The following ERI3 variants were observed in gnomAD, a reference collection of about 807,000 sequenced individuals.
ERI3 encodes the protein ERI1 exoribonuclease 3.
A neutral mutation model predicts 44.4 loss-of-function variants in ERI3; 18 were observed. The ratio of observed to expected loss-of-function variants is 0.41; its 90% CI spans 0.28 to 0.60. ERI3 has a LOEUF of 0.60. Ranked by LOEUF, ERI3 falls within the 20% of genes least tolerant of loss-of-function variation. ERI3 has a pLI of 0.36. For synonymous variants in ERI3, 183 were observed against 164.8 expected, an observed-to-expected ratio of 1.11 and a Z score of -0.84; for missense variants, 294 against 435.5, an observed-to-expected ratio of 0.68 and a Z score of 2.89.
intron 5 of ERI3, among the ~76,000 whole-genome samples, chr1:44,310,545 T>G (rs1434200848): frequency 6.6e-6 from 1 of 152,162 alleles, no homozygotes. Flanking sequence ...GGACAAAGGC[T>G]GGAGGACTAG....
At chr1:44,349,440 T>C (rs1646848437) in intron 2 of ERI3, among the ~76,000 whole-genome samples, 1 of 152,160 alleles carries the variant, frequency 6.6e-6, no homozygotes, top group Admixed American at 6.5e-5. Context: ...GGATTACAGG[T>C]GTGAGCCACC....
At chr1:44,355,267 C>G (rs1646979973), upstream of ERI3, 1 of 1,150,102 alleles carries the variant, frequency 8.7e-7, no homozygotes, top group African/African-American at 1.6e-5. Context: ...CACCTCCGCG[C>G]ACTCTGACCC....
At position 44,311,016 on chromosome 1, in the gene ERI3, C is replaced by CGT. The variant is rs1442171441; in HGVS notation, c.666+2151_666+2152dup. 2.3e-3 allele frequency among the ~76,000 whole-genome samples: 329 copies of CGT among 144,390 alleles called. 1 individual carries two copies. The highest frequency in any genetic ancestry group is 8.0e-3 in the African/African-American group (314 of 39,034). 94.7% of individuals were successfully genotyped at this position (144,390 alleles called of 152,430 possible). On this transcript the variant is annotated intron_variant, in intron 5 of 8. Transcript: ENST00000372257. ...ACACACACACACACACACACACACA[C>CGT]GTGCAGGAATCCATGAATCCTTTCC...
At chr1:44,284,426 A>G (rs1488391735) in intron 7 of ERI3, among the ~76,000 whole-genome samples, 2 of 152,190 alleles carry the variant, frequency 1.3e-5, no homozygotes, top group Non-Finnish European at 2.9e-5. Context: ...TATCAGGGCC[A>G]GTTAGGAGGG....
intron 3 of ERI3, among the ~76,000 whole-genome samples, chr1:44,325,747 C>T (rs1030865584): frequency 5.3e-5 from 8 of 151,980 alleles, no homozygotes; most frequent in African/African-American, 1.7e-4. Flanking sequence ...CTGCAACCTC[C>T]GCCTCCCAGG....
rs538418782 is a variant in ERI3 at position 44,337,445 on chromosome 1, C to T, written c.489+1600G>A. 2.0e-5 allele frequency among the ~76,000 whole-genome samples: 3 copies of T among 152,350 alleles called. No homozygotes were observed. The East Asian group carries it at 5.8e-4, about 29-fold the overall frequency. On this transcript the variant is annotated intron_variant, in intron 3 of 8. Transcript: ENST00000372257. Reference sequence around the variant, plus strand: ...CCAGCATAAGCACCAGCTGCCCTCACCACACCAGAGAAAATCCAGTAGTTT... The same window carrying T: ...CCAGCATAAGCACCAGCTGCCCTCATCACACCAGAGAAAATCCAGTAGTTT...
At chr1:44,306,025 G>T (rs902921460) in intron 6 of ERI3, among the ~76,000 whole-genome samples, 1 of 152,170 alleles carries the variant, frequency 6.6e-6, no homozygotes. Flanking sequence ...CAGGAACACC[G>T]ATTAGCTGTG....
At chr1:44,324,514 C>T (rs1304563269) in intron 3 of ERI3, among the ~76,000 whole-genome samples, 4 of 137,868 alleles carry the variant, frequency 2.9e-5, no homozygotes, top group African/African-American at 5.3e-5. Flanking sequence ...CGGAGTCTCG[C>T]TCTGTCGCCC....
At chr1:44,255,400 G>T (rs1404220588) in intron 7 of ERI3, among the ~76,000 whole-genome samples, 1 of 152,080 alleles carries the variant, frequency 6.6e-6, no homozygotes, top group Non-Finnish European at 1.5e-5. Context: ...CTAGCTCTCT[G>T]CCATTTTCCC....
chr1:44,284,392 C>T (rs1404219116), intron 7 of ERI3, among the ~76,000 whole-genome samples: 1 of 152,214 alleles, frequency 6.6e-6, no homozygotes, highest in Non-Finnish European at 1.5e-5. Flanking sequence ...CTTAAGTGTA[C>T]TCTGCCTCCC....
intron 3 of ERI3, among the ~76,000 whole-genome samples, chr1:44,323,690 T>C (rs1046499703): frequency 1.1e-4 from 17 of 152,346 alleles, no homozygotes; most frequent in African/African-American, 3.8e-4. Context: ...ACTGTGCTAA[T>C]AGGAATGATC....
intron 8 of ERI3, among the ~76,000 whole-genome samples, chr1:44,222,050 G>A (rs910127470): frequency 4.6e-5 from 7 of 152,070 alleles, no homozygotes; most frequent in African/African-American, 9.7e-5. Context: ...CCCGCCACCC[G>A]CCTTGATGTC....
chr1:44,284,956 G>C, intron 6 of ERI3, 49 bp from the exon 7 acceptor site: 2 of 1,499,836 alleles, frequency 1.3e-6, no homozygotes, highest in Non-Finnish European at 1.9e-6. Flanking sequence ...CCATGTCCCA[G>C]GTATGAAGTC....
intron 6 of ERI3, among the ~76,000 whole-genome samples, chr1:44,290,204 T>C (rs572839655): frequency 6.6e-6 from 1 of 152,264 alleles, no homozygotes; most frequent in African/African-American, 2.4e-5. Context: ...GACAGGCACA[T>C]ACTGTTCGCC....
intron 2 of ERI3, among the ~76,000 whole-genome samples, chr1:44,349,447 C>T (rs1646848628): frequency 6.6e-6 from 1 of 152,148 alleles, no homozygotes; most frequent in Non-Finnish European, 1.5e-5. Context: ...AGGTGTGAGC[C>T]ACCACGCCTG....
rs1473505568 is a variant in ERI3 at position 44,283,943 on chromosome 1, C to T, written c.831+892G>A. On this transcript the variant is annotated intron_variant, in intron 7 of 8. Transcript: ENST00000372257. ...AATCCTCGCCATACCTAGCCTCACC[C>T]CCCTTGACCTCTCTCTTCTCTAAGC... The T allele has an allele frequency of 1.9e-5, 9 of 465,652 alleles. No homozygotes were observed. The Middle Eastern group carries it at 2.5e-3, about 128-fold the overall frequency. 28.8% of individuals were successfully genotyped at this position (465,652 alleles called of 1,614,324 possible).
Position 44,337,523 on chromosome 1 carries a change from G to T in ERI3, c.489+1522C>A, listed in dbSNP as rs182941639. Among the ~76,000 whole-genome samples, 5 of 152,318 alleles carry T rather than the reference G, an allele frequency of 3.3e-5. No homozygotes were observed. In the East Asian group the frequency reaches 9.6e-4, roughly 29 times the overall value. On this transcript the variant is annotated intron_variant, in intron 3 of 8. Coordinates refer to ENST00000372257, the MANE Select transcript of ERI3 (RefSeq NM_024066.3). ...TAGGCAGGAGCCAGAGGCAGAGAACGTAAGTGTGGCTTGAGTAGCTCCCAA... is the reference window on the plus strand; with the variant it reads ...TAGGCAGGAGCCAGAGGCAGAGAACTTAAGTGTGGCTTGAGTAGCTCCCAA...
At chr1:44,244,065 AAGTGCTTCCAAATAATATG>A (rs1644500596) in intron 8 of ERI3, 1 of 152,210 alleles carries the variant, frequency 6.6e-6, no homozygotes, top group African/African-American at 2.4e-5. Context: ...AGTTAACATA[AAGTGCTTCCAAATAATATG>A]AGTGCTTACT....
At chr1:44,327,892 G>C (rs1646347129) in intron 3 of ERI3, among the ~76,000 whole-genome samples, 1 of 152,206 alleles carries the variant, frequency 6.6e-6, no homozygotes, top group Admixed American at 6.5e-5. Flanking sequence ...TACACTAGCT[G>C]GGGGTGAAGA....
Sources: gnomAD v4.1 joint callset for allele counts (sites outside exome capture counted in the v4.1 genomes callset) on GRCh38, gnomAD v4.1.1 for gene constraint, MANE v1.5 for transcripts, NCBI Gene and HGNC (gene_info 2026-07-23, HGNC 2026-07-21) for gene names.